The following MYCBP2 variants were observed in gnomAD, a reference collection of about 807,000 sequenced individuals.
The protein encoded by MYCBP2 is E3 ubiquitin-protein ligase MYCBP2.
In MYCBP2, 120 loss-of-function variants were observed where a neutral mutation model predicts 525.3. The observed-to-expected ratio is 0.23, with a 90% confidence interval of 0.20 to 0.27. The LOEUF is 0.27. MYCBP2 is among the 10% of genes least tolerant of loss of function. The pLI is 1.00. For missense variants in MYCBP2, 4,149 were observed against 5,657.1 expected, an observed-to-expected ratio of 0.73 and a Z score of 8.55; for synonymous variants, 1,894 against 1,955.8, an observed-to-expected ratio of 0.97 and a Z score of 0.83.
At chr13:77,070,263 G>C (rs993412717) in intron 69 of MYCBP2, among the ~76,000 whole-genome samples, 1 of 152,126 alleles carries the variant, frequency 6.6e-6, no homozygotes, top group Admixed American at 6.5e-5. Flanking sequence ...ATAAAAGGGC[G>C]AGCATAAAAA....
At chr13:77,052,489 T>C (rs1381473923) in intron 80 of MYCBP2, among the ~76,000 whole-genome samples, 1 of 152,252 alleles carries the variant, frequency 6.6e-6, no homozygotes, top group Non-Finnish European at 1.5e-5. Context: ...ATGAGCCACA[T>C]GCCTGGCCTA....
At chr13:77,190,605 C>A (rs1242284055) in intron 28 of MYCBP2, among the ~76,000 whole-genome samples, 7 of 152,142 alleles carry the variant, frequency 4.6e-5, no homozygotes, top group Non-Finnish European at 5.9e-5. Context: ...CAGTAAACTT[C>A]TAAAATTTCT....
Position 77,122,909 on chromosome 13 carries a change from T to C in MYCBP2, c.8018-1414A>G, listed in dbSNP as rs2051005203. ...TCTTCAGCATGCAATATTTCAGCAG[T>C]AGAATGTTTCTTCAGAAAAACACCC... On this transcript the variant is annotated intron_variant, in intron 54 of 82. Transcript: ENST00000544440. 2.6e-5 allele frequency among the ~76,000 whole-genome samples: 4 copies of C among 152,270 alleles called. No individual in the cohort carries two copies. In the South Asian group the frequency reaches 8.3e-4, roughly 32 times the overall value.
chr13:77,218,999 G>A (rs1019932281), intron 20 of MYCBP2, among the ~76,000 whole-genome samples: 10 of 152,116 alleles, frequency 6.6e-5, no homozygotes, highest in African/African-American at 1.7e-4. Flanking sequence ...GCAGATGATC[G>A]ATATGGGGCA....
chr13:77,084,905 G>C (rs1188576242), intron 62 of MYCBP2, among the ~76,000 whole-genome samples: 1 of 151,918 alleles, frequency 6.6e-6, no homozygotes, highest in Non-Finnish European at 1.5e-5. Context: ...CCTAAACTTT[G>C]ATCTCTGCCA....
At chr13:77,137,002 A>G (rs1368124575) in intron 52 of MYCBP2, among the ~76,000 whole-genome samples, 1 of 152,156 alleles carries the variant, frequency 6.6e-6, no homozygotes, top group Non-Finnish European at 1.5e-5. Context: ...TGAAGAAACC[A>G]AAAAAACCCT....
In MYCBP2 at chr13:77,140,953, A is replaced by G. The variant is rs757717275; in HGVS notation, c.7304-10T>C. On this transcript the variant is annotated splice_polypyrimidine_tract_variant and intron_variant, in intron 49 of 82. Coordinates refer to ENST00000544440, the MANE Select transcript of MYCBP2 (RefSeq NM_015057.5). Reference sequence around the variant, plus strand: ...ACTTCCAGACCAGCATCTGTCAGAAAAATCAGAGAACTGTAACATTTGAGA... The same window carrying G: ...ACTTCCAGACCAGCATCTGTCAGAAGAATCAGAGAACTGTAACATTTGAGA... 1.3e-6 allele frequency: 2 copies of G among 1,579,880 alleles called. No individual in the cohort carries two copies. The highest frequency in any genetic ancestry group is 2.7e-5 in the African/African-American group (2 of 73,318).
chr13:77,105,080 G>C (rs1173228269), intron 55 of MYCBP2, among the ~76,000 whole-genome samples: 1 of 152,038 alleles, frequency 6.6e-6, no homozygotes, highest in African/African-American at 2.4e-5. Context: ...GGCAGCCTCT[G>C]AATGGAAGAG....
At chr13:77,115,481 A>G (rs778589180) in intron 55 of MYCBP2, among the ~76,000 whole-genome samples, 1 of 151,908 alleles carries the variant, frequency 6.6e-6, no homozygotes, top group Non-Finnish European at 1.5e-5. Context: ...TTTTACTTCT[A>G]TAACATTCTA....
intron 30 of MYCBP2, 51 bp from the exon 31 acceptor site, chr13:77,186,114 A>ATC (rs1374598230): frequency 2.3e-6 from 3 of 1,306,110 alleles, no homozygotes; most frequent in African/African-American, 1.5e-5. Flanking sequence ...ATGATACCAT[A>ATC]AACGGAATCA....
chr13:77,070,124 T>G (rs1331163691), intron 69 of MYCBP2, among the ~76,000 whole-genome samples: 2 of 152,060 alleles, frequency 1.3e-5, no homozygotes, highest in African/African-American at 2.4e-5. Context: ...TGACACCAAA[T>G]AAAAAATCTA....
chr13:77,232,802 T>C (rs1055583606), intron 18 of MYCBP2, among the ~76,000 whole-genome samples: 1 of 152,098 alleles, frequency 6.6e-6, no homozygotes, highest in Non-Finnish European at 1.5e-5. Flanking sequence ...CAAAAAAGAA[T>C]TGTAAAAGGC....
chr13:77,183,786 G>A (rs1417795864), intron 32 of MYCBP2, among the ~76,000 whole-genome samples: 1 of 151,844 alleles, frequency 6.6e-6, no homozygotes, highest in Non-Finnish European at 1.5e-5. Flanking sequence ...GACCTCAAGT[G>A]ATCCACCCAC....
At chr13:77,090,915 A>G (rs138528311) in intron 59 of MYCBP2, among the ~76,000 whole-genome samples, 15 of 152,312 alleles carry the variant, frequency 9.8e-5, no homozygotes, top group African/African-American at 3.4e-4. Flanking sequence ...AGTTATTAAG[A>G]GAGCTATACA....
rs566134854 is a variant in MYCBP2, at chr13:77,271,609, G to A, written c.946-1071C>T. On this transcript the variant is annotated intron_variant, in intron 5 of 82. Transcript: ENST00000544440. The stretch of plus-strand genomic sequence containing the variant: ...TTTCCTGTGCTGTTCTCATGATAGC[G>A]AATAAGCCTCACGAGATCTGATGGT... Among the ~76,000 whole-genome samples the A allele has an allele frequency of 6.6e-5, 10 of 152,236 alleles. No individual in the cohort carries two copies. In the East Asian group the frequency reaches 7.7e-4, roughly 12 times the overall value.
chr13:77,192,102 A>T (rs577328607), intron 27 of MYCBP2, among the ~76,000 whole-genome samples: 3 of 152,354 alleles, frequency 2.0e-5, no homozygotes, highest in Admixed American at 6.5e-5. Flanking sequence ...AACTGATATT[A>T]AAAAACATTC....
intron 82 of MYCBP2, 68 bp downstream of exon 82, chr13:77,050,929 C>T: frequency 1.5e-6 from 2 of 1,344,314 alleles, no homozygotes; most frequent in South Asian, 1.4e-5. Context: ...ACAGAGCTTT[C>T]ATATAATGTT....
chr13:77,068,886 C>A (rs2040630332), intron 69 of MYCBP2, 55 bp from the exon 70 acceptor site: 2 of 1,526,430 alleles, frequency 1.3e-6, no homozygotes. Flanking sequence ...TGATTTACTA[C>A]TCCTAGCAAA....
At chr13:77,108,443 C>T (rs1292193641) in intron 55 of MYCBP2, among the ~76,000 whole-genome samples, 3 of 152,060 alleles carry the variant, frequency 2.0e-5, no homozygotes, top group African/African-American at 4.8e-5. Context: ...TATTGCTTCC[C>T]GAGCATTAAC....
Sources: gnomAD v4.1 joint callset for allele counts (sites outside exome capture counted in the v4.1 genomes callset) on GRCh38, gnomAD v4.1.1 for gene constraint, MANE v1.5 for transcripts, NCBI Gene and HGNC (gene_info 2026-07-23, HGNC 2026-07-21) for gene names.